Variants in MGAT4A observed in about 807,000 individuals in gnomAD.
The protein encoded by MGAT4A is N-acetylglucosaminyltransferase IVa.
A neutral mutation model predicts 74.1 loss-of-function variants in MGAT4A; 33 were observed. The ratio of observed to expected loss-of-function variants is 0.45; its 90% CI spans 0.34 to 0.60. MGAT4A has a LOEUF of 0.60. Among genes scored for constraint, MGAT4A ranks in the 20% least tolerant of loss-of-function variants. The pLI is 0.02. For synonymous variants in MGAT4A, 198 were observed against 210.4 expected (o/e 0.94, Z 0.51); for missense variants, 479 against 628.3 (o/e 0.76, Z 2.54).
chr2:98,660,069 A>G (rs1701719879), intron 5 of MGAT4A, among the ~76,000 whole-genome samples: 1 of 152,248 alleles, frequency 6.6e-6, no homozygotes, highest in South Asian at 2.1e-4. Context: ...AAACATCGGT[A>G]GCATTTCTAC....
At chr2:98,701,115 G>A (rs1023043442) in intron 2 of MGAT4A, among the ~76,000 whole-genome samples, 2 of 151,932 alleles carry the variant, frequency 1.3e-5, no homozygotes, top group African/African-American at 4.8e-5. Flanking sequence ...CTCCTGAAAG[G>A]GTCTAGAGAT....
At chr2:98,651,234 G>A (rs1431245284) in intron 8 of MGAT4A, among the ~76,000 whole-genome samples, 2 of 152,096 alleles carry the variant, frequency 1.3e-5, no homozygotes, top group African/African-American at 4.8e-5. Flanking sequence ...AAAACTCCCT[G>A]GTAAAGGTAA....
intron 2 of MGAT4A, among the ~76,000 whole-genome samples, chr2:98,692,781 T>C (rs1702213006): frequency 6.6e-6 from 1 of 152,198 alleles, no homozygotes; most frequent in Non-Finnish European, 1.5e-5. Flanking sequence ...GGCTGTACCA[T>C]CTAGGTTTGT....
At chr2:98,692,145 A>C (rs2104303580) in intron 2 of MGAT4A, among the ~76,000 whole-genome samples, 1 of 152,298 alleles carries the variant, frequency 6.6e-6, no homozygotes, top group East Asian at 1.9e-4. Flanking sequence ...CCCAGGCTAG[A>C]GTGCAGTGGC....
At chr2:98,636,442 A>G in intron 13 of MGAT4A, 75 bp downstream of exon 13, 1 of 1,149,630 alleles carries the variant, frequency 8.7e-7, no homozygotes, top group South Asian at 1.3e-5. Context: ...TTTCCCCTTA[A>G]AAACAAGAAA....
In MGAT4A at chr2:98,666,658, A is replaced by T. The variant is rs558042890; in HGVS notation, c.404-3479T>A. Among the ~76,000 whole-genome samples the T allele has an allele frequency of 2.6e-5, 4 of 151,462 alleles. No homozygotes were observed. The South Asian group carries it at 8.4e-4, about 32-fold the overall frequency. ...CAGTGAGCTGTGATCACACCACTGT[A>T]CTCCAGCCTGGGCGACAGAGCAAGA... On this transcript the variant is annotated intron_variant, in intron 4 of 15. Coordinates refer to ENST00000393487, the MANE Select transcript of MGAT4A (RefSeq NM_012214.3).
chr2:98,624,458 A>T lies in MGAT4A; in HGVS notation c.*1108T>A, dbSNP rs983522342. ...CTCTTGGACACGGGACTCACTTATCAGTTCATACTACAATAAAATCATTTT... is the reference window on the plus strand; with the variant it reads ...CTCTTGGACACGGGACTCACTTATCTGTTCATACTACAATAAAATCATTTT... On this transcript the variant is annotated 3_prime_UTR_variant, in exon 16 of 16. Transcript: ENST00000393487. 2 of 968,546 alleles carry T rather than the reference A, an allele frequency of 2.1e-6. No individual in the cohort carries two copies. 60.0% of individuals were successfully genotyped at this position (968,546 alleles called of 1,614,324 possible). A position where few individuals can be genotyped will look rare whatever the true frequency, so the allele number is the denominator to read the frequency against.
At chr2:98,647,805 C>CAGA (rs1701517204) in intron 8 of MGAT4A, among the ~76,000 whole-genome samples, 1 of 152,242 alleles carries the variant, frequency 6.6e-6, no homozygotes, top group Admixed American at 6.5e-5. Flanking sequence ...TCTCCCTTTC[C>CAGA]CCTGAGGGGT....
At chr2:98,655,758 A>G (rs1701649231) in intron 7 of MGAT4A, 1 of 364,742 alleles carries the variant, frequency 2.7e-6, no homozygotes, top group Admixed American at 4.6e-5. Context: ...TCCTGAGGAA[A>G]AAAATGAGTC....
chr2:98,670,690 GT>G (rs1164926284), intron 4 of MGAT4A, among the ~76,000 whole-genome samples: 1 of 151,864 alleles, frequency 6.6e-6, no homozygotes, highest in Non-Finnish European at 1.5e-5. Flanking sequence ...TCTCATGACA[GT>G]TTTTTTTCTT....
chr2:98,640,025 A>G (rs755232545), intron 11 of MGAT4A, 24 bp from the exon 12 acceptor site: 59 of 1,582,602 alleles, frequency 3.7e-5, no homozygotes, highest in Non-Finnish European at 4.5e-5. Context: ...CATATATGCT[A>G]TTAAATAATA....
At chr2:98,641,385 G>T (rs1176974130) in intron 10 of MGAT4A, among the ~76,000 whole-genome samples, 1 of 151,594 alleles carries the variant, frequency 6.6e-6, no homozygotes, top group African/African-American at 2.4e-5. Context: ...GCCAGGCGCA[G>T]TGGCTCACGC....
intron 14 of MGAT4A, among the ~76,000 whole-genome samples, chr2:98,629,872 C>T (rs562454118): frequency 8.4e-4 from 127 of 152,044 alleles, no homozygotes; most frequent in Non-Finnish European, 1.6e-3. Flanking sequence ...GGTGAAACCC[C>T]GTCTCTACTA....
intron 14 of MGAT4A, among the ~76,000 whole-genome samples, chr2:98,628,603 G>C (rs1701180396): frequency 6.6e-6 from 1 of 152,154 alleles, no homozygotes; most frequent in African/African-American, 2.4e-5. Context: ...GCTTTCCTGT[G>C]AGTTGGGAGT....
At chr2:98,669,838 T>A (rs1476765491) in intron 4 of MGAT4A, among the ~76,000 whole-genome samples, 1 of 152,214 alleles carries the variant, frequency 6.6e-6, no homozygotes, top group Non-Finnish European at 1.5e-5. Flanking sequence ...TCAGCATGTG[T>A]AATCTGTGGG....
At chr2:98,676,515 T>C (rs1410385311) in intron 3 of MGAT4A, among the ~76,000 whole-genome samples, 1 of 152,084 alleles carries the variant, frequency 6.6e-6, no homozygotes, top group Admixed American at 6.5e-5. Context: ...AAAACACAGA[T>C]CCTATTTCTA....
chr2:98,669,676 T>C (rs1701886633), intron 4 of MGAT4A, among the ~76,000 whole-genome samples: 1 of 152,006 alleles, frequency 6.6e-6, no homozygotes, highest in Non-Finnish European at 1.5e-5. Flanking sequence ...AAATTAAGAG[T>C]GACCATGCTT....
In MGAT4A at chr2:98,636,588, A is replaced by G. The variant is rs768728500; in HGVS notation, c.1330T>C (p.Phe444Leu). ...DKPVNVESYL[F>L]HSGNQEHPGD... ...GGATGTTCTTGGTTGCCGCTATGGAACAAATAACTGAAAATACAAACATCA... is the reference window on the plus strand; with the variant it reads ...GGATGTTCTTGGTTGCCGCTATGGAGCAAATAACTGAAAATACAAACATCA... Residue 444 changes from phenylalanine (F) to leucine (L), a missense_variant, in exon 13 of 16, where the codon TTC becomes CTC. Physicochemically the swap from Phe to Leu is conservative, Grantham distance 22. Transcript: ENST00000393487. 6.2e-6 allele frequency: 10 copies of G among 1,612,756 alleles called. No homozygotes were observed. Among genetic ancestry groups the G allele is most frequent in the Non-Finnish European group, 5.9e-6 (7 of 1,178,882 alleles).
chr2:98,690,645 A>G (rs1408446411), intron 2 of MGAT4A, among the ~76,000 whole-genome samples: 2 of 152,254 alleles, frequency 1.3e-5, no homozygotes, highest in African/African-American at 4.8e-5. Flanking sequence ...AAATCTCAAC[A>G]TCAGTGAGAA....
Sources: allele counts gnomAD v4.1 joint callset (sites outside exome capture counted in the v4.1 genomes callset), GRCh38; gene constraint gnomAD v4.1.1; transcripts MANE v1.5; gene names NCBI Gene and HGNC (gene_info 2026-07-23, HGNC 2026-07-21).